The following GNG12 variants were observed in gnomAD, a reference collection of about 807,000 sequenced individuals.
GNG12 encodes the protein G protein subunit gamma 12, also known as guanine nucleotide-binding protein G(I)/G(S)/G(O) subunit gamma-12.
For missense variants in GNG12, 69 were observed against 83.8 expected (o/e 0.82, Z 0.69); for synonymous variants, 28 against 29.7 (o/e 0.94, Z 0.19).
At chr1:67,731,118 C>T (rs150011916) in intron 2 of GNG12, among the ~76,000 whole-genome samples, 1 of 151,904 alleles carries the variant, frequency 6.6e-6, no homozygotes, top group East Asian at 1.9e-4. Flanking sequence ...TATTTTTTCC[C>T]CCCAGAAAGC....
intron 2 of GNG12, among the ~76,000 whole-genome samples, chr1:67,753,613 C>A (rs1454697706): frequency 1.3e-5 from 2 of 152,224 alleles, no homozygotes; most frequent in Non-Finnish European, 2.9e-5. Context: ...GCATGAAAAG[C>A]ATTCACAGCT....
At chr1:67,746,736 G>A (rs1211128509) in intron 2 of GNG12, among the ~76,000 whole-genome samples, 1 of 152,216 alleles carries the variant, frequency 6.6e-6, no homozygotes, top group Non-Finnish European at 1.5e-5. Context: ...AAGACCCAGA[G>A]AGTATTAGTA....
intron 2 of GNG12, among the ~76,000 whole-genome samples, chr1:67,759,738 A>G (rs529911817): frequency 2.0e-5 from 3 of 152,304 alleles, no homozygotes; most frequent in African/African-American, 7.2e-5. Context: ...ATGACAGTCC[A>G]TGTAACAAAG....
intron 2 of GNG12, among the ~76,000 whole-genome samples, chr1:67,712,969 T>A (rs1010938520): frequency 1.3e-5 from 2 of 152,286 alleles, no homozygotes; most frequent in South Asian, 4.1e-4. Context: ...CCTCTGGTGA[T>A]CCGCCTGCCT....
At chr1:67,772,278 A>T (rs1288028010) in intron 2 of GNG12, among the ~76,000 whole-genome samples, 1 of 152,210 alleles carries the variant, frequency 6.6e-6, no homozygotes, top group Non-Finnish European at 1.5e-5. Context: ...GGGATTCAAC[A>T]TGAGGTCCTC....
intron 2 of GNG12, among the ~76,000 whole-genome samples, chr1:67,773,245 G>A (rs944064969): frequency 6.6e-6 from 1 of 152,028 alleles, no homozygotes; most frequent in African/African-American, 2.4e-5. Context: ...TTCTTCCTAC[G>A]ACATTGTTGC....
At chr1:67,752,027 A>G (rs1646541620) in intron 2 of GNG12, among the ~76,000 whole-genome samples, 1 of 152,200 alleles carries the variant, frequency 6.6e-6, no homozygotes, top group Non-Finnish European at 1.5e-5. Flanking sequence ...AAGACATAAG[A>G]AACTGCAGTC....
intron 1 of GNG12, among the ~76,000 whole-genome samples, chr1:67,804,409 A>G (rs1331224152): frequency 6.6e-6 from 1 of 152,192 alleles, no homozygotes; most frequent in African/African-American, 2.4e-5. Flanking sequence ...CTGTACTTTC[A>G]GCGTGCACTG....
intron 2 of GNG12, among the ~76,000 whole-genome samples, chr1:67,775,826 A>G (rs1213730667): frequency 6.6e-6 from 1 of 152,230 alleles, no homozygotes; most frequent in Non-Finnish European, 1.5e-5. Context: ...GTCATGGAGA[A>G]GGGAAAATTC....
At chr1:67,748,897 G>C (rs555236083) in intron 2 of GNG12, among the ~76,000 whole-genome samples, 1 of 151,728 alleles carries the variant, frequency 6.6e-6, no homozygotes, top group East Asian at 1.9e-4. Flanking sequence ...TCATTACCAC[G>C]CATTCTTCCA....
rs547968360 is a variant in GNG12 at position 67,751,789 on chromosome 1, A to G, written c.-27+25669T>C. On this transcript the variant is annotated intron_variant, in intron 2 of 3. Coordinates refer to ENST00000370982, the MANE Select transcript of GNG12 (RefSeq NM_018841.6). ...AGAGTTATCATGCAGATGCTCTAGA[A>G]GAGTCAAACCCAAACCATAAGCAAA... 2.0e-5 allele frequency among the ~76,000 whole-genome samples: 3 copies of G among 152,326 alleles called. No homozygotes were observed. The South Asian group carries it at 6.2e-4, about 32-fold the overall frequency.
At chr1:67,726,803 C>CTAG (rs761896287) in intron 2 of GNG12, among the ~76,000 whole-genome samples, 29 of 152,310 alleles carry the variant, frequency 1.9e-4, no homozygotes, top group Non-Finnish European at 3.2e-4. Context: ...AAGTACATTA[C>CTAG]TAGTGCATGT....
intron 2 of GNG12, among the ~76,000 whole-genome samples, chr1:67,771,624 ACT>A (rs748696215): frequency 1.3e-5 from 2 of 152,054 alleles, no homozygotes; most frequent in Non-Finnish European, 2.9e-5. Flanking sequence ...CCTGTACAAC[ACT>A]CTGATTTTAT....
chr1:67,734,171 G>C (rs1028513685), intron 2 of GNG12, among the ~76,000 whole-genome samples: 1 of 151,742 alleles, frequency 6.6e-6, no homozygotes, highest in African/African-American at 2.4e-5. Flanking sequence ...TCAAGGGCAG[G>C]GCAGAGACCT....
At chr1:67,816,491 A>G (rs1385631106) in intron 1 of GNG12, among the ~76,000 whole-genome samples, 1 of 151,908 alleles carries the variant, frequency 6.6e-6, no homozygotes, top group Admixed American at 6.6e-5. Flanking sequence ...GGACACACTC[A>G]CCCTCCAGTC....
chr1:67,733,434 A>T (rs1189005984), intron 2 of GNG12, among the ~76,000 whole-genome samples: 2 of 152,124 alleles, frequency 1.3e-5, no homozygotes, highest in Non-Finnish European at 2.9e-5. Context: ...AATCATATAC[A>T]CGTGCACGTA....
chr1:67,735,386 G>C (rs533188265), intron 2 of GNG12, among the ~76,000 whole-genome samples: 1 of 152,274 alleles, frequency 6.6e-6, no homozygotes, highest in East Asian at 1.9e-4. Flanking sequence ...TGAGATCATT[G>C]TTCTGCTGAT....
intron 1 of GNG12, among the ~76,000 whole-genome samples, chr1:67,804,218 C>A (rs1448158044): frequency 6.6e-6 from 1 of 152,204 alleles, no homozygotes; most frequent in East Asian, 1.9e-4. Flanking sequence ...TCTCCAGTAA[C>A]CTCTTCAAAT....
At chr1:67,737,330 A>C (rs777478709) in intron 2 of GNG12, among the ~76,000 whole-genome samples, 11 of 152,234 alleles carry the variant, frequency 7.2e-5, no homozygotes, top group Non-Finnish European at 1.3e-4. Flanking sequence ...TCATTAATAT[A>C]ATTCCATGGC....
Sources: gnomAD v4.1 joint callset for allele counts (sites outside exome capture counted in the v4.1 genomes callset) on GRCh38, gnomAD v4.1.1 for gene constraint, MANE v1.5 for transcripts, NCBI Gene and HGNC (gene_info 2026-07-23, HGNC 2026-07-21) for gene names.